Variants in TRIO observed in about 807,000 individuals in gnomAD.
TRIO encodes triple functional domain protein.
A neutral mutation model predicts 351.9 loss-of-function variants in TRIO; 58 were observed. That is an observed-to-expected ratio of 0.16 (90% CI 0.13 to 0.21). The LOEUF is 0.21. Ranked by LOEUF, TRIO falls within the 10% of genes least tolerant of loss-of-function variation. TRIO has a pLI of 1.00. For missense variants in TRIO, 3,201 were observed against 4,027.8 expected (o/e 0.79, Z 5.56); for synonymous variants, 1,758 against 1,595.7 (o/e 1.10, Z -2.42).
chr5:14,417,865 C>T (rs1161163666), intron 33 of TRIO, among the ~76,000 whole-genome samples: 4 of 152,186 alleles, frequency 2.6e-5, no homozygotes, highest in Admixed American at 1.3e-4. Context: ...TAGCTGGATG[C>T]GGAGCACAGT....
At chr5:14,145,469 A>G (rs943826595) in intron 1 of TRIO, among the ~76,000 whole-genome samples, 8 of 149,454 alleles carry the variant, frequency 5.4e-5, no homozygotes, top group African/African-American at 2.0e-4. Context: ...TTAGGAAAAC[A>G]TGAGCTCCTT....
chr5:14,431,968 C>CATTTAATTTAATTTAATTTAAT (rs1751190229), intron 34 of TRIO, among the ~76,000 whole-genome samples: 1 of 152,196 alleles, frequency 6.6e-6, no homozygotes. Context: ...TAATCACCTC[C>CATTTAATTTAATTTAATTTAAT]TTAAAAGACC....
intron 1 of TRIO, among the ~76,000 whole-genome samples, chr5:14,258,520 G>A (rs1166617193): frequency 2.0e-5 from 3 of 152,180 alleles, no homozygotes; most frequent in African/African-American, 7.2e-5. Flanking sequence ...GTAGCAATTA[G>A]GAGACTGGAA....
chr5:14,232,520 C>T (rs1472005658), intron 1 of TRIO, among the ~76,000 whole-genome samples: 1 of 152,162 alleles, frequency 6.6e-6, no homozygotes, highest in Non-Finnish European at 1.5e-5. Context: ...CTCTAAGCTC[C>T]GCAAGGGCAG....
chr5:14,351,102 A>G (rs965280783), intron 11 of TRIO, among the ~76,000 whole-genome samples: 1 of 152,102 alleles, frequency 6.6e-6, no homozygotes, highest in African/African-American at 2.4e-5. Flanking sequence ...CCCAGCTCCT[A>G]ACAAGCCACA....
intron 18 of TRIO, among the ~76,000 whole-genome samples, chr5:14,373,385 G>C (rs144079196): frequency 1.3e-5 from 2 of 152,148 alleles, no homozygotes; most frequent in Non-Finnish European, 2.9e-5. Flanking sequence ...TGACCATCCC[G>C]AATGACTAGA....
chr5:14,367,739 G>T lies in TRIO; in HGVS notation c.2874+760G>T, dbSNP rs1301357356. ...CTGCTCACATACATGTTGTCAGCTA[G>T]AGAAGAAAGCTACAGAAGTTGCCAC... On this transcript the variant is annotated intron_variant, in intron 16 of 56. Transcript: ENST00000344204. 2.6e-5 allele frequency among the ~76,000 whole-genome samples: 4 copies of T among 152,332 alleles called. No individual in the cohort carries two copies. In the South Asian group the frequency reaches 6.2e-4, roughly 24 times the overall value.
chr5:14,181,520 G>C (rs1789766112), intron 1 of TRIO, among the ~76,000 whole-genome samples: 1 of 152,228 alleles, frequency 6.6e-6, no homozygotes, highest in Non-Finnish European at 1.5e-5. Context: ...CCAGATTGCA[G>C]ATGGTCGTGG....
chr5:14,421,654 G>A (rs114934128), intron 34 of TRIO, among the ~76,000 whole-genome samples: 1,652 of 151,666 alleles, frequency 0.011, 20 homozygotes, highest in African/African-American at 0.038. Flanking sequence ...TAGGAGCTGC[G>A]CAGCAACAGA....
In TRIO at chr5:14,498,259, AG is replaced by A; in HGVS notation, c.8210+10del. On this transcript the variant is annotated intron_variant, in intron 52 of 56. Transcript: ENST00000344204. Reference sequence around the variant, plus strand: ...CTACAGCATCTCCTACAGGTGAGGGAGGCCCACTCCTGGTGGGTTTCGCTGG... The same window carrying A: ...CTACAGCATCTCCTACAGGTGAGGGAGCCCACTCCTGGTGGGTTTCGCTGG... 1 of 1,612,880 alleles carries A rather than the reference AG, an allele frequency of 6.2e-7. No homozygotes were observed. The highest frequency in any genetic ancestry group is 8.5e-7 in the Non-Finnish European group (1 of 1,178,920).
intron 1 of TRIO, among the ~76,000 whole-genome samples, chr5:14,267,699 G>A (rs1795764286): frequency 6.6e-6 from 1 of 151,974 alleles, no homozygotes. Context: ...TTTATTGAAA[G>A]TTACATATGA....
At chr5:14,375,092 G>A (rs1319453610) in intron 19 of TRIO, among the ~76,000 whole-genome samples, 1 of 152,188 alleles carries the variant, frequency 6.6e-6, no homozygotes, top group Non-Finnish European at 1.5e-5. Context: ...ACATTCTACT[G>A]TCTGCTCATC....
In TRIO at chr5:14,457,395, C is replaced by T. The variant is rs1163819186; in HGVS notation, c.5204-3624C>T. ...ACCTCCCCCCCCCCCCCCGCCCCGC[C>T]CCCCGGTACTAGGAGTGACCATTTA... On this transcript the variant is annotated intron_variant, in intron 34 of 56. Transcript: ENST00000344204. Among the ~76,000 whole-genome samples, 3 of 137,374 alleles carry T rather than the reference C, an allele frequency of 2.2e-5. No individual in the cohort carries two copies. The East Asian group carries it at 7.2e-4, about 33-fold the overall frequency. 90.1% of individuals were successfully genotyped at this position (137,374 alleles called of 152,430 possible).
chr5:14,492,836 C>T lies in TRIO; in HGVS notation c.7880+22C>T, dbSNP rs750624091. The T allele has an allele frequency of 3.7e-5, 59 of 1,606,822 alleles. No homozygotes were observed. The East Asian group carries it at 3.8e-4, about 10-fold the overall frequency. On this transcript the variant is annotated intron_variant, in intron 49 of 56. Coordinates refer to ENST00000344204, the MANE Select transcript of TRIO (RefSeq NM_007118.4). ...TCAAGTGAGTGCTTGACAGTAACGGCGTCCTGGCAGGCAGCAGAGGGAGGG... is the reference window on the plus strand; with the variant it reads ...TCAAGTGAGTGCTTGACAGTAACGGTGTCCTGGCAGGCAGCAGAGGGAGGG...
At chr5:14,162,213 A>G (rs1788505048) in intron 1 of TRIO, among the ~76,000 whole-genome samples, 1 of 152,234 alleles carries the variant, frequency 6.6e-6, no homozygotes, top group African/African-American at 2.4e-5. Flanking sequence ...GATGTGCTCC[A>G]TGAAGGAGAA....
At chr5:14,191,739 G>GTT (rs1453809211) in intron 1 of TRIO, among the ~76,000 whole-genome samples, 1 of 152,204 alleles carries the variant, frequency 6.6e-6, no homozygotes, top group East Asian at 1.9e-4. Context: ...AGAACTTAGA[G>GTT]AAGTAAGCCA....
intron 1 of TRIO, among the ~76,000 whole-genome samples, chr5:14,209,610 T>C (rs1216276816): frequency 6.6e-6 from 1 of 152,212 alleles, no homozygotes; most frequent in Non-Finnish European, 1.5e-5. Flanking sequence ...TGTATGGCCT[T>C]GGGGGTGCTG....
chr5:14,205,441 A>G lies in TRIO; in HGVS notation c.157+61559A>G, dbSNP rs144963033. On this transcript the variant is annotated intron_variant, in intron 1 of 56. Coordinates refer to ENST00000344204, the MANE Select transcript of TRIO (RefSeq NM_007118.4). ...TTGAAGTAATGTTACAAGTCAATAC[A>G]CTGTTCATTACGTTAGATTCAAAAT... Among the ~76,000 whole-genome samples the G allele has an allele frequency of 3.9e-4, 60 of 152,360 alleles. No homozygotes were observed. The East Asian group carries it at 0.011, about 28-fold the overall frequency.
intron 2 of TRIO, among the ~76,000 whole-genome samples, chr5:14,274,833 A>G (rs1202700782): frequency 6.6e-6 from 1 of 152,192 alleles, no homozygotes; most frequent in Non-Finnish European, 1.5e-5. Context: ...TCTTTGGCCA[A>G]TGGGAGCCTC....
Sources: allele counts gnomAD v4.1 joint callset (sites outside exome capture counted in the v4.1 genomes callset), GRCh38; gene constraint gnomAD v4.1.1; transcripts MANE v1.5; gene names NCBI Gene and HGNC (gene_info 2026-07-23, HGNC 2026-07-21).